The following PLCL1 variants were observed in gnomAD, a reference collection of about 807,000 sequenced individuals.
PLCL1 encodes phospholipase C like 1 (inactive).
In PLCL1, 41 loss-of-function variants were observed where a neutral mutation model predicts 84.4. The ratio of observed to expected loss-of-function variants is 0.49; its 90% CI spans 0.38 to 0.63. PLCL1 has a LOEUF of 0.63. PLCL1 is among the 30% of genes least tolerant of loss of function. The pLI, the probability that PLCL1 is intolerant of heterozygous loss-of-function variation, is 0.00. For missense variants in PLCL1, 1,206 were observed against 1,367.8 expected, an observed-to-expected ratio of 0.88 and a Z score of 1.87; for synonymous variants, 490 against 488.3, an observed-to-expected ratio of 1.00 and a Z score of -0.05.
intron 1 of PLCL1, among the ~76,000 whole-genome samples, chr2:198,070,058 G>T (rs759621405): frequency 6.6e-6 from 1 of 152,074 alleles, no homozygotes; most frequent in Non-Finnish European, 1.5e-5. Context: ...AAAATAGAGG[G>T]ATAGGCCAAG....
intron 1 of PLCL1, among the ~76,000 whole-genome samples, chr2:197,820,101 A>G (rs554084985): frequency 6.6e-6 from 1 of 152,216 alleles, no homozygotes; most frequent in East Asian, 1.9e-4. Context: ...AAAAGCAACC[A>G]CCGTTTATTG....
chr2:197,947,228 G>A (rs1689293702), intron 1 of PLCL1, among the ~76,000 whole-genome samples: 1 of 112,012 alleles, frequency 8.9e-6, no homozygotes, highest in South Asian at 2.8e-4. Flanking sequence ...GGGTAGAGGT[G>A]CTTAGATAAA....
At chr2:197,975,601 C>T (rs142767111) in intron 1 of PLCL1, among the ~76,000 whole-genome samples, 27 of 152,114 alleles carry the variant, frequency 1.8e-4, no homozygotes, top group Admixed American at 4.6e-4. Context: ...GCCAGGAGTT[C>T]GAGACCAGTC....
At chr2:198,088,450 CA>C (rs767692660) in intron 2 of PLCL1, among the ~76,000 whole-genome samples, 11 of 152,154 alleles carry the variant, frequency 7.2e-5, no homozygotes, top group Non-Finnish European at 1.6e-4. Flanking sequence ...GATGAAGTGA[CA>C]AAGGAATGCC....
intron 5 of PLCL1, among the ~76,000 whole-genome samples, chr2:198,139,756 G>A (rs940590808): frequency 2.6e-5 from 4 of 152,096 alleles, no homozygotes; most frequent in African/African-American, 4.8e-5. Flanking sequence ...ATAAATATTT[G>A]TTTGCTGGAT....
intron 1 of PLCL1, among the ~76,000 whole-genome samples, chr2:198,042,589 A>C (rs1691690501): frequency 6.6e-6 from 1 of 152,196 alleles, no homozygotes; most frequent in South Asian, 2.1e-4. Flanking sequence ...AGATAACCTC[A>C]AAGTTTCTAA....
intron 1 of PLCL1, among the ~76,000 whole-genome samples, chr2:198,041,723 G>A (rs1691669373): frequency 6.6e-6 from 1 of 152,172 alleles, no homozygotes; most frequent in Admixed American, 6.5e-5. Flanking sequence ...AGAAATCATT[G>A]TGGACTAGAA....
Position 197,812,620 on chromosome 2 carries a change from T to C in PLCL1, c.240+7281T>C, listed in dbSNP as rs116493604. On this transcript the variant is annotated intron_variant, in intron 1 of 5. Coordinates refer to ENST00000428675, the MANE Select transcript of PLCL1 (RefSeq NM_006226.4). ...AAAAGCCTTTTAAAGATGCTAAGTA[T>C]GTACTAAACACAGACTAAGCCCAGG... is the stretch of plus-strand genomic sequence containing the variant. 4.4e-3 allele frequency among the ~76,000 whole-genome samples: 665 copies of C among 152,330 alleles called. 5 individuals are homozygous for C. Among genetic ancestry groups the C allele is most frequent in the African/African-American group, 0.015 (637 of 41,568 alleles).
At chr2:198,056,349 G>A (rs1185085084) in intron 1 of PLCL1, among the ~76,000 whole-genome samples, 1 of 152,122 alleles carries the variant, frequency 6.6e-6, no homozygotes, top group Non-Finnish European at 1.5e-5. Context: ...AAAGATTGGT[G>A]TTTGATCGGA....
At chr2:198,132,752 C>T (rs898998808) in intron 5 of PLCL1, among the ~76,000 whole-genome samples, 7 of 151,870 alleles carry the variant, frequency 4.6e-5, no homozygotes, top group Non-Finnish European at 5.9e-5. Flanking sequence ...GAGTAGGTTG[C>T]GAAAATTTTC....
chr2:197,905,464 T>C (rs1688361693), intron 1 of PLCL1, among the ~76,000 whole-genome samples: 1 of 152,276 alleles, frequency 6.6e-6, no homozygotes, highest in South Asian at 2.1e-4. Context: ...CCATGCTGTA[T>C]ATGTGCCACA....
intron 1 of PLCL1, among the ~76,000 whole-genome samples, chr2:197,924,290 G>A (rs1488031646): frequency 6.6e-6 from 1 of 152,120 alleles, no homozygotes; most frequent in Non-Finnish European, 1.5e-5. Flanking sequence ...CAGCTTCAAT[G>A]TCTTTGTTCC....
chr2:197,916,979 G>A (rs1346256755), intron 1 of PLCL1, among the ~76,000 whole-genome samples: 2 of 152,072 alleles, frequency 1.3e-5, no homozygotes, highest in Non-Finnish European at 2.9e-5. Context: ...CTATTAGAAT[G>A]GCAAAAATCC....
intron 1 of PLCL1, among the ~76,000 whole-genome samples, chr2:197,865,490 A>T (rs1248405019): frequency 1.3e-5 from 2 of 152,172 alleles, no homozygotes; most frequent in Non-Finnish European, 2.9e-5. Flanking sequence ...ATAAGATGGA[A>T]GGGGCAGGGG....
At chr2:197,967,155 A>G (rs766331438) in intron 1 of PLCL1, among the ~76,000 whole-genome samples, 31 of 151,442 alleles carry the variant, frequency 2.0e-4, no homozygotes, top group Non-Finnish European at 3.1e-4. Context: ...TACAAGAAAA[A>G]CTGCTTTTCT....
rs1692874656 is a variant in PLCL1 at position 198,086,173 on chromosome 2, A to G, written c.2656A>G (p.Ile886Val). 3 of 1,613,936 alleles carry G rather than the reference A, an allele frequency of 1.9e-6. No individual in the cohort carries two copies. The highest frequency in any genetic ancestry group is 2.2e-5 in the East Asian group (1 of 44,874). The change falls in exon 2 of 6, where the codon ATC (isoleucine) becomes GTC (valine). Residue 886 changes from isoleucine to valine, a missense_variant. Transcript: ENST00000428675. The part of the protein sequence containing the change: ...RNIGLKTIDD[I>V]FKIAVHPLRE... ...TATCGGTCTTAAAACCATTGATGACATCTTTAAAATAGCGGTTCATCCATT... is the reference window on the plus strand; with the variant it reads ...TATCGGTCTTAAAACCATTGATGACGTCTTTAAAATAGCGGTTCATCCATT...
At chr2:197,870,266 A>G (rs143955552) in intron 1 of PLCL1, among the ~76,000 whole-genome samples, 97 of 152,284 alleles carry the variant, frequency 6.4e-4, no homozygotes, top group African/African-American at 2.2e-3. Flanking sequence ...CTGGTCTCCT[A>G]CTACCTTCAA....
chr2:197,903,222 G>C (rs1688301669), intron 1 of PLCL1, among the ~76,000 whole-genome samples: 1 of 152,174 alleles, frequency 6.6e-6, no homozygotes, highest in African/African-American at 2.4e-5. Context: ...GATCTCTATT[G>C]CTACTACTTA....
intron 3 of PLCL1, among the ~76,000 whole-genome samples, chr2:198,093,938 C>T (rs992124644): frequency 6.6e-6 from 1 of 152,026 alleles, no homozygotes; most frequent in Non-Finnish European, 1.5e-5. Flanking sequence ...ATTTAGCTTT[C>T]CATATTTATT....
Sources: allele counts gnomAD v4.1 joint callset (sites outside exome capture counted in the v4.1 genomes callset), GRCh38; gene constraint gnomAD v4.1.1; transcripts MANE v1.5; gene names NCBI Gene and HGNC (gene_info 2026-07-23, HGNC 2026-07-21).